The following UGT2A1 variants were observed in gnomAD, a reference collection of about 807,000 sequenced individuals.
The protein encoded by UGT2A1 is UDP glucuronosyltransferase family 2 member A1 complex locus, also known as UDP-glucuronosyltransferase 2A1.
In UGT2A1, 61 loss-of-function variants were observed where a neutral mutation model predicts 45.4. The observed-to-expected ratio is 1.34, with a 90% CI of 1.09 to 1.66. The LOEUF (loss-of-function observed/expected upper bound fraction) is 1.66. Among genes scored for constraint, UGT2A1 ranks in the 40% most tolerant of loss-of-function variants. UGT2A1 has a pLI of 0.00. For synonymous variants in UGT2A1, 229 were observed against 196.2 expected, an observed-to-expected ratio of 1.17 and a Z score of -1.40; for missense variants, 649 against 574.3, an observed-to-expected ratio of 1.13 and a Z score of -1.33.
chr4:69,590,448 A>G (rs1284322641), intron 6 of UGT2A1, among the ~76,000 whole-genome samples: 2 of 152,134 alleles, frequency 1.3e-5, no homozygotes, highest in East Asian at 3.9e-4. Flanking sequence ...AGTAGGTTTC[A>G]TTTTGGTTTG....
chr4:69,598,441 C>T (rs960919030), intron 4 of UGT2A1, among the ~76,000 whole-genome samples: 9 of 152,034 alleles, frequency 5.9e-5, no homozygotes, highest in African/African-American at 2.2e-4. Context: ...TTCCACATTT[C>T]TTTTCTGAAG....
At chr4:69,646,289 G>A (rs539833820) in intron 2 of UGT2A1, among the ~76,000 whole-genome samples, 1 of 151,864 alleles carries the variant, frequency 6.6e-6, no homozygotes, top group Admixed American at 6.6e-5. Context: ...GTGTATAAAT[G>A]TATCAACATG....
chr4:69,607,373 A>T (rs566602443), intron 3 of UGT2A1, among the ~76,000 whole-genome samples: 7 of 151,698 alleles, frequency 4.6e-5, no homozygotes, highest in Non-Finnish European at 1.0e-4. Flanking sequence ...CATATGTAGA[A>T]AGCTGAACCT....
intron 3 of UGT2A1, among the ~76,000 whole-genome samples, chr4:69,635,057 A>G (rs780517362): frequency 3.9e-5 from 6 of 152,166 alleles, no homozygotes; most frequent in Non-Finnish European, 8.8e-5. Context: ...GCATGTCTGT[A>G]TCAAAACATC....
intron 6 of UGT2A1, among the ~76,000 whole-genome samples, chr4:69,592,695 A>G (rs1718656792): frequency 6.6e-6 from 1 of 152,132 alleles, no homozygotes; most frequent in South Asian, 2.1e-4. Context: ...GAACAATTAG[A>G]CAGGAAATAA....
At chr4:69,603,668 A>G (rs1330001276) in intron 3 of UGT2A1, 1 of 136,042 alleles carries the variant, frequency 7.4e-6, no homozygotes. Flanking sequence ...AAAAACCTTG[A>G]AAAAAAATTA....
At chr4:69,609,135 G>A (rs1577964076) in intron 3 of UGT2A1, among the ~76,000 whole-genome samples, 2 of 148,766 alleles carry the variant, frequency 1.3e-5, no homozygotes, top group East Asian at 4.0e-4. Flanking sequence ...ACTGGCTCAG[G>A]CTCATCTAGA....
At chr4:69,630,060 C>T (rs905408224) in intron 3 of UGT2A1, among the ~76,000 whole-genome samples, 4 of 151,872 alleles carry the variant, frequency 2.6e-5, no homozygotes, top group Non-Finnish European at 5.9e-5. Flanking sequence ...TTAAACGTGA[C>T]TTTAAATTAC....
chr4:69,592,233 T>A (rs576067880), intron 6 of UGT2A1, among the ~76,000 whole-genome samples: 1 of 152,144 alleles, frequency 6.6e-6, no homozygotes, highest in African/African-American at 2.4e-5. Flanking sequence ...GAAAAGTGAA[T>A]GAAATATTAA....
intron 3 of UGT2A1, among the ~76,000 whole-genome samples, chr4:69,616,449 A>G (rs984998285): frequency 3.3e-5 from 5 of 152,004 alleles, no homozygotes; most frequent in African/African-American, 1.2e-4. Context: ...TGATTTGATC[A>G]TTACACATTT....
chr4:69,646,466 GTTTC>G (rs1260411446), intron 2 of UGT2A1, among the ~76,000 whole-genome samples: 1 of 151,670 alleles, frequency 6.6e-6, no homozygotes, highest in Non-Finnish European at 1.5e-5. Flanking sequence ...AATGTATTTT[GTTTC>G]TTTATGAGCC....
At chr4:69,611,763 C>T (rs1720074752) in intron 3 of UGT2A1, among the ~76,000 whole-genome samples, 1 of 152,010 alleles carries the variant, frequency 6.6e-6, no homozygotes, top group African/African-American at 2.4e-5. Context: ...AACATGAATT[C>T]TGAAATACAC....
intron 3 of UGT2A1, among the ~76,000 whole-genome samples, chr4:69,614,382 C>A (rs1390953692): frequency 6.6e-6 from 1 of 151,796 alleles, no homozygotes; most frequent in Non-Finnish European, 1.5e-5. Context: ...AGCATTAAAA[C>A]GTCTATAGCA....
At chr4:69,613,481 T>A (rs1213157482) in intron 3 of UGT2A1, among the ~76,000 whole-genome samples, 3 of 151,624 alleles carry the variant, frequency 2.0e-5, no homozygotes, top group Admixed American at 1.3e-4. Flanking sequence ...GTATTCCAAC[T>A]ATGTTTGGAA....
intron 3 of UGT2A1, among the ~76,000 whole-genome samples, chr4:69,634,342 C>T (rs1721561487): frequency 1.3e-5 from 2 of 151,966 alleles, no homozygotes; most frequent in African/African-American, 4.8e-5. Flanking sequence ...AATTGGAAGG[C>T]TTAGGTGACG....
intron 3 of UGT2A1, among the ~76,000 whole-genome samples, chr4:69,625,487 T>C (rs1721004260): frequency 6.6e-6 from 1 of 151,346 alleles, no homozygotes; most frequent in Non-Finnish European, 1.5e-5. Flanking sequence ...TTTTGTATAG[T>C]TTCTATTACT....
Position 69,607,048 on chromosome 4 carries a change from C to A in UGT2A1, c.848-7654G>T, listed in dbSNP as rs1170456819. 3.1e-4 allele frequency among the ~76,000 whole-genome samples: 42 copies of A among 136,164 alleles called. 5 individuals are homozygous for A. The highest frequency in any genetic ancestry group is 1.2e-3 in the African/African-American group (40 of 33,504). The allele number at this position is 136,164 out of a possible 152,430, so 89.3% of individuals were successfully genotyped here. A position where few individuals can be genotyped will look rare whatever the true frequency, so the allele number is the denominator to read the frequency against. Reference sequence around the variant, plus strand: ...CCATCAAACTACCAATGACTTTCTTCACAGAATTGGAAAAAACTACTTTAA... The same window carrying A: ...CCATCAAACTACCAATGACTTTCTTAACAGAATTGGAAAAAACTACTTTAA... On this transcript the variant is annotated intron_variant, in intron 3 of 6. Coordinates refer to ENST00000286604, the MANE Select transcript of UGT2A1 (RefSeq NM_001252275.3).
intron 3 of UGT2A1, among the ~76,000 whole-genome samples, chr4:69,609,090 T>A (rs1481541620): frequency 4.0e-5 from 6 of 151,678 alleles, no homozygotes; most frequent in Non-Finnish European, 7.4e-5. Flanking sequence ...GAGAAAACCA[T>A]CATAAACTGT....
At chr4:69,590,266 A>G (rs1037709624) in intron 6 of UGT2A1, among the ~76,000 whole-genome samples, 5 of 152,212 alleles carry the variant, frequency 3.3e-5, no homozygotes, top group African/African-American at 4.8e-5. Context: ...TGATGTTTCA[A>G]TTGAAACATC....
Sources: allele counts gnomAD v4.1 joint callset (sites outside exome capture counted in the v4.1 genomes callset), GRCh38; gene constraint gnomAD v4.1.1; transcripts MANE v1.5; gene names NCBI Gene and HGNC (gene_info 2026-07-23, HGNC 2026-07-21).